SLC25A46: variants seen among roughly 807,000 people sequenced by gnomAD.
SLC25A46 encodes the protein mitochondrial outer membrane protein SLC25A46.
A neutral mutation model predicts 44.6 loss-of-function variants in SLC25A46; 39 were observed. The ratio of observed to expected loss-of-function variants is 0.87; its 90% CI spans 0.68 to 1.14. The LOEUF (loss-of-function observed/expected upper bound fraction) is 1.14, where lower values mean the gene tolerates loss of function less well. SLC25A46 is among the 50% of genes most tolerant of loss of function. The pLI, the probability that SLC25A46 is intolerant of heterozygous loss-of-function variation, is 0.00. For synonymous variants in SLC25A46, 202 were observed against 185.8 expected (o/e 1.09, Z -0.71); for missense variants, 547 against 522.7 (o/e 1.05, Z -0.45).
intron 5 of SLC25A46, among the ~76,000 whole-genome samples, 166 bp downstream of exon 5, chr5:110,748,429 C>G (rs1386470297): frequency 6.6e-6 from 1 of 151,942 alleles, no homozygotes; most frequent in Non-Finnish European, 1.5e-5. Context: ...AACATCATAC[C>G]CAATAGGTAG....
Position 110,761,850 on chromosome 5 carries a change from G to A in SLC25A46, c.*68G>A, listed in dbSNP as rs1036640059. On this transcript the variant is annotated 3_prime_UTR_variant, in exon 8 of 8. Transcript: ENST00000355943. The surrounding 1 kb of genome is among the most constrained non-coding windows in gnomAD (Gnocchi z 5.3). ...GATAATTTGCTATGAAGTTATGAGG[G>A]ATACAAGTGAAATACTGGGGAAGAA... 1 of 1,288,270 alleles carries A rather than the reference G, an allele frequency of 7.8e-7. No individual in the cohort carries two copies. Among genetic ancestry groups the A allele is most frequent in the Admixed American group, 2.4e-5 (1 of 40,968 alleles). 79.8% of individuals were successfully genotyped at this position (1,288,270 alleles called of 1,614,324 possible).
intron 2 of SLC25A46, among the ~76,000 whole-genome samples, chr5:110,743,259 T>C (rs959384435): frequency 3.3e-5 from 5 of 152,068 alleles, no homozygotes; most frequent in Non-Finnish European, 7.4e-5. Context: ...TATACTTAAA[T>C]TTATACTTAA....
rs1243228385 is a variant in SLC25A46, at chr5:110,761,705, A to G, written c.1180A>G (p.Ile394Val). 6.2e-7 allele frequency: 1 copy of G among 1,613,402 alleles called. No homozygotes were observed. ...GFYKGFGAVI[I>V]QYTLHAAVLQ... ...TTATAAAGGGTTTGGTGCTGTTATA[A>G]TACAGTACACACTGCATGCAGCTGT... Residue 394 changes from isoleucine (I) to valine (V), a missense_variant, in exon 8 of 8, where the codon ATA becomes GTA. Physicochemically the swap from Ile to Val is conservative, Grantham distance 29. Transcript: ENST00000355943. This position sits in a 1 kb window ranked among gnomAD's most constrained non-coding sequence, Gnocchi z 5.3.
intron 1 of SLC25A46, 23 bp from the exon 2 acceptor site, chr5:110,742,024 A>T: frequency 1.3e-6 from 2 of 1,489,326 alleles, no homozygotes; most frequent in Non-Finnish European, 1.8e-6. Flanking sequence ...TTATTTTTTT[A>T]TTTCTATTTT....
At chr5:110,744,187 A>G (rs1799758960) in intron 3 of SLC25A46, among the ~76,000 whole-genome samples, 1 of 152,210 alleles carries the variant, frequency 6.6e-6, no homozygotes, top group African/African-American at 2.4e-5. Flanking sequence ...CTGTTGCATC[A>G]CGTGGTTTTT....
intron 2 of SLC25A46, among the ~76,000 whole-genome samples, 181 bp from the exon 3 acceptor site, chr5:110,743,549 A>T (rs1382696746): frequency 2.0e-5 from 3 of 152,012 alleles, no homozygotes; most frequent in Non-Finnish European, 2.9e-5. Flanking sequence ...GAATTTCGTT[A>T]TGGGTAGAAT....
chr5:110,747,044 A>G (rs116299342), intron 4 of SLC25A46, among the ~76,000 whole-genome samples: 1,849 of 152,292 alleles, frequency 0.012, 47 homozygotes, highest in African/African-American at 0.042. Flanking sequence ...CATGACCAAA[A>G]TATCTTGAAG....
Position 110,739,283 on chromosome 5 carries a change from T to C in SLC25A46, c.164T>C (p.Leu55Pro). ...TPPDIPGSRN[L>P]HWGEKSPPYG... ...CCAGATATCCCCGGCAGCCGCAACC[T>C]GCACTGGGGCGAGAAGAGCCCGCCC... The change falls in exon 1 of 8, where the codon CTG (leucine) becomes CCG (proline). Residue 55 changes from leucine to proline, a missense_variant. Transcript: ENST00000355943. 2.5e-6 allele frequency: 4 copies of C among 1,576,076 alleles called. No homozygotes were observed. Among genetic ancestry groups the C allele is most frequent in the Non-Finnish European group, 3.4e-6 (4 of 1,161,072 alleles).
At chr5:110,754,638 A>G (rs1310146565) in intron 5 of SLC25A46, 1 of 150,896 alleles carries the variant, frequency 6.6e-6, no homozygotes, top group Non-Finnish European at 1.5e-5. Flanking sequence ...CAGACCTGGC[A>G]TTTTTGCCTG....
rs532025532 is a variant in SLC25A46, at chr5:110,752,430, C to T, written c.564-3035C>T. Among the ~76,000 whole-genome samples the T allele has an allele frequency of 6.6e-5, 10 of 152,162 alleles. No homozygotes were observed. In the East Asian group the frequency reaches 9.7e-4, roughly 15 times the overall value. On this transcript the variant is annotated intron_variant, in intron 5 of 7. Transcript: ENST00000355943. ...CATGTGGCTTTTTTCAGACTGTTAA[C>T]GCGAGGTAGGAGTTCCTGTAACCAA...
intron 5 of SLC25A46, among the ~76,000 whole-genome samples, chr5:110,751,016 T>C (rs1046984749): frequency 6.6e-6 from 1 of 152,184 alleles, no homozygotes; most frequent in African/African-American, 2.4e-5. Flanking sequence ...AGTGGGAATA[T>C]ATTTTCATCA....
At chr5:110,747,259 A>C (rs552204475) in intron 4 of SLC25A46, among the ~76,000 whole-genome samples, 46 of 152,310 alleles carry the variant, frequency 3.0e-4, no homozygotes, top group African/African-American at 1.1e-3. Context: ...TATTATGGTG[A>C]AACACCTTGT....
At chr5:110,753,449 GACTGTTTTGAGA>G (rs1288245456) in intron 5 of SLC25A46, 2 of 151,862 alleles carry the variant, frequency 1.3e-5, no homozygotes, top group African/African-American at 2.4e-5. Flanking sequence ...TGAAAAACTA[GACTGTTTTGAGA>G]AAAGCAAGGT....
intron 4 of SLC25A46, 36 bp from the exon 5 acceptor site, chr5:110,748,127 T>C (rs1446999239): frequency 1.4e-6 from 2 of 1,409,058 alleles, no homozygotes; most frequent in Admixed American, 3.4e-5. Flanking sequence ...CAGATGTAGG[T>C]ATTAACAGAA....
In SLC25A46 at chr5:110,763,823, T is replaced by C. The variant is rs539900451; in HGVS notation, c.*2041T>C. The C allele has an allele frequency of 6.6e-6, 1 of 151,920 alleles. No individual in the cohort carries two copies. Among genetic ancestry groups the C allele is most frequent in the East Asian group, 1.9e-4 (1 of 5,154 alleles). 9.4% of individuals were successfully genotyped at this position (151,920 alleles called of 1,614,324 possible). On this transcript the variant is annotated 3_prime_UTR_variant, in exon 8 of 8. Transcript: ENST00000355943. ...CTTTTTGGAGAAAGAGAATACAAATTAACATTAAAATTGAAATGTAGAAAG... is the reference window on the plus strand; with the variant it reads ...CTTTTTGGAGAAAGAGAATACAAATCAACATTAAAATTGAAATGTAGAAAG...
rs774479247 is a variant in SLC25A46 at position 110,748,218 on chromosome 5, C to T, written c.518C>T (p.Thr173Ile). 6 of 1,613,696 alleles carry T rather than the reference C, an allele frequency of 3.7e-6. No individual in the cohort carries two copies. The highest frequency in any genetic ancestry group is 5.1e-6 in the Non-Finnish European group (6 of 1,179,692). The part of the protein sequence containing the change: ...MGSTFIVQGV[T>I]LGAEGIISEF... ...AGTACATTTATTGTCCAGGGAGTCA[C>T]ACTTGGAGCAGAAGGCATAATTAGT... Residue 173 changes from threonine (T) to isoleucine (I), a missense_variant, in exon 5 of 8, where the codon ACA becomes ATA. By Grantham distance (89) the Thr-to-Ile change is moderately conservative. Transcript: ENST00000355943.
chr5:110,751,319 T>C (rs2150412963), intron 5 of SLC25A46, among the ~76,000 whole-genome samples: 1 of 152,314 alleles, frequency 6.6e-6, no homozygotes, highest in Admixed American at 6.5e-5. Context: ...CAAAAGAATA[T>C]AGTTCCATGA....
At position 110,739,052 on chromosome 5, in the gene SLC25A46, G is replaced by C; in HGVS notation, c.-68G>C. 1 of 1,519,214 alleles carries C rather than the reference G, an allele frequency of 6.6e-7. No individual in the cohort carries two copies. Among genetic ancestry groups the C allele is most frequent in the African/African-American group, 1.4e-5 (1 of 71,692 alleles). 94.1% of individuals were successfully genotyped at this position (1,519,214 alleles called of 1,614,324 possible). Reference sequence around the variant, plus strand: ...CGGCGGCCGACGGGAAGCTGTGTGTGCTTAGGTCGTGGTGGCCCCGGTGGT... The same window carrying C: ...CGGCGGCCGACGGGAAGCTGTGTGTCCTTAGGTCGTGGTGGCCCCGGTGGT... On this transcript the variant is annotated 5_prime_UTR_variant, in exon 1 of 8. Transcript: ENST00000355943.
rs1413771306 is a variant in SLC25A46, at chr5:110,748,220, C to T, written c.520C>T (p.Leu174Phe). Residue 174 changes from leucine to phenylalanine, a missense_variant, in exon 5 of 8, where the codon CTT becomes TTT. Transcript: ENST00000355943. The part of the protein sequence containing the change: ...GSTFIVQGVT[L>F]GAEGIISEFT... ...TACATTTATTGTCCAGGGAGTCACA[C>T]TTGGAGCAGAAGGCATAATTAGTGA... 1 of 1,613,694 alleles carries T rather than the reference C, an allele frequency of 6.2e-7. No individual in the cohort carries two copies. The highest frequency in any genetic ancestry group is 1.3e-5 in the African/African-American group (1 of 75,022).
Sources: allele counts gnomAD v4.1 joint callset (sites outside exome capture counted in the v4.1 genomes callset), GRCh38; gene constraint gnomAD v4.1.1; non-coding constraint Gnocchi (gnomAD v3.1); transcripts MANE v1.5; gene names NCBI Gene and HGNC (gene_info 2026-07-23, HGNC 2026-07-21).